The following ZMIZ1 variants were observed in gnomAD, a reference collection of about 807,000 sequenced individuals.
ZMIZ1 encodes the protein zinc finger MIZ-type containing 1, also known as zinc finger MIZ domain-containing protein 1.
A neutral mutation model predicts 113.9 loss-of-function variants in ZMIZ1; 17 were observed. That is an observed-to-expected ratio of 0.15 (90% confidence interval 0.10 to 0.22). The LOEUF (loss-of-function observed/expected upper bound fraction) is 0.22. ZMIZ1 is among the 10% of genes least tolerant of loss of function. The probability of loss-of-function intolerance (pLI) is 1.00; values close to 1 mark genes in which losing one functional copy is unlikely to be tolerated. For missense variants in ZMIZ1, 1,059 were observed against 1,477.8 expected, an observed-to-expected ratio of 0.72 and a Z score of 4.65; for synonymous variants, 607 against 603.1, an observed-to-expected ratio of 1.01 and a Z score of -0.09.
chr10:79,245,748 C>G (rs1010936186), intron 7 of ZMIZ1, among the ~76,000 whole-genome samples: 1 of 152,144 alleles, frequency 6.6e-6, no homozygotes, highest in Non-Finnish European at 1.5e-5. Flanking sequence ...TCTAAGATGA[C>G]GCCATTCAGT....
chr10:79,133,679 C>G (rs531145582), intron 2 of ZMIZ1, among the ~76,000 whole-genome samples: 2 of 152,172 alleles, frequency 1.3e-5, no homozygotes, highest in Non-Finnish European at 2.9e-5. Context: ...CCCCCCTCCC[C>G]CTTATTCCTT....
intron 7 of ZMIZ1, among the ~76,000 whole-genome samples, chr10:79,253,881 C>CA (rs1850709510): frequency 6.6e-6 from 1 of 152,168 alleles, no homozygotes; most frequent in South Asian, 2.1e-4. Flanking sequence ...TACATGCACA[C>CA]ACACACACAC....
intron 6 of ZMIZ1, among the ~76,000 whole-genome samples, chr10:79,208,702 G>T (rs537948508): frequency 1.3e-5 from 2 of 152,206 alleles, no homozygotes; most frequent in Non-Finnish European, 2.9e-5. Context: ...TGAGAAAGAC[G>T]CAGTGTTCAC....
intron 7 of ZMIZ1, among the ~76,000 whole-genome samples, chr10:79,247,093 C>T (rs1259714561): frequency 6.6e-6 from 1 of 152,228 alleles, no homozygotes; most frequent in East Asian, 1.9e-4. Flanking sequence ...GCCTTGCTGC[C>T]GCCTCCAGCT....
chr10:79,157,809 C>T (rs543205333), intron 3 of ZMIZ1, among the ~76,000 whole-genome samples: 127 of 152,264 alleles, frequency 8.3e-4, no homozygotes, highest in Admixed American at 7.8e-3. Context: ...AGCACTGGCC[C>T]GCCAGGGGAG....
intron 7 of ZMIZ1, among the ~76,000 whole-genome samples, chr10:79,219,012 C>T (rs1848854356): frequency 6.7e-6 from 1 of 148,730 alleles, no homozygotes. Flanking sequence ...GATGACAGCT[C>T]GGGCTATAAA....
intron 1 of ZMIZ1, among the ~76,000 whole-genome samples, chr10:79,087,305 C>T (rs1057400591): frequency 6.6e-6 from 1 of 152,206 alleles, no homozygotes; most frequent in Non-Finnish European, 1.5e-5. Context: ...CTCATAAAGC[C>T]ACCTTGGATT....
chr10:79,298,531 C>A lies in ZMIZ1; in HGVS notation c.1617C>A (p.Pro539=). Residue 539 remains proline (P), a synonymous_variant, in exon 15 of 25, where the codon CCC becomes CCA. Coordinates refer to ENST00000334512, the MANE Select transcript of ZMIZ1 (RefSeq NM_020338.4). ...YLSPSQDVKP[P]FPPDIKPNMS... is the part of the protein sequence containing the mutation. The stretch of plus-strand genomic sequence containing the variant: ...CCCCCAGCCAAGACGTCAAACCACC[C>A]TTCCCGCCTGACATCAAGCCAAATA... 1 of 1,602,186 alleles carries A rather than the reference C, an allele frequency of 6.2e-7. No homozygotes were observed. Among genetic ancestry groups the A allele is most frequent in the Non-Finnish European group, 8.5e-7 (1 of 1,174,878 alleles).
chr10:79,152,771 G>A (rs192292559), intron 3 of ZMIZ1, among the ~76,000 whole-genome samples: 2 of 152,360 alleles, frequency 1.3e-5, no homozygotes, highest in East Asian at 3.9e-4. Flanking sequence ...GTGAGATGGG[G>A]CTAACACCAC....
intron 4 of ZMIZ1, among the ~76,000 whole-genome samples, chr10:79,165,350 G>A (rs1846280837): frequency 6.6e-6 from 1 of 152,158 alleles, no homozygotes; most frequent in Non-Finnish European, 1.5e-5. Flanking sequence ...TGGGACCAGG[G>A]TTCCTTGCCC....
At chr10:79,106,477 T>C (rs1196535128) in intron 1 of ZMIZ1, among the ~76,000 whole-genome samples, 3 of 152,230 alleles carry the variant, frequency 2.0e-5, no homozygotes, top group Non-Finnish European at 2.9e-5. Context: ...CCTTTATTTG[T>C]GACTCATATG....
chr10:79,289,179 TG>T (rs1216623065), intron 8 of ZMIZ1, among the ~76,000 whole-genome samples: 1 of 150,478 alleles, frequency 6.6e-6, no homozygotes. Flanking sequence ...GAGATCGGGG[TG>T]GGGGCAGGAG....
intron 8 of ZMIZ1, among the ~76,000 whole-genome samples, chr10:79,279,989 T>C (rs953382719): frequency 4.1e-4 from 56 of 135,958 alleles, no homozygotes; most frequent in Non-Finnish European, 8.1e-4. Context: ...GGTATTATTA[T>C]TACTTTTTTT....
chr10:79,273,978 T>G (rs1378220863), intron 7 of ZMIZ1, among the ~76,000 whole-genome samples: 1 of 152,200 alleles, frequency 6.6e-6, no homozygotes, highest in Non-Finnish European at 1.5e-5. Context: ...CGAGCTGCAT[T>G]TTATGAAGGG....
At chr10:79,188,788 G>T (rs1847467096) in intron 4 of ZMIZ1, among the ~76,000 whole-genome samples, 2 of 152,150 alleles carry the variant, frequency 1.3e-5, no homozygotes, top group African/African-American at 2.4e-5. Context: ...TTTAAAATGT[G>T]TTTAGTGAAA....
intron 7 of ZMIZ1, among the ~76,000 whole-genome samples, chr10:79,260,184 GTTAA>G (rs1290608460): frequency 6.6e-6 from 1 of 152,238 alleles, no homozygotes; most frequent in African/African-American, 2.4e-5. Context: ...TTCCATCAGT[GTTAA>G]TTGTCACCTG....
At position 79,139,784 on chromosome 10, in the gene ZMIZ1, C is replaced by A. The variant is rs890216292; in HGVS notation, c.-131+7C>A. 3 of 398,772 alleles carry A rather than the reference C, an allele frequency of 7.5e-6. No individual in the cohort carries two copies. The Admixed American group carries it at 1.3e-4, about 18-fold the overall frequency. The allele number at this position is 398,772 out of a possible 1,614,324, so 24.7% of individuals were successfully genotyped here. ...AGCTGCCATACCCCGAAAGGTAACA[C>A]CAGCCCCCGATGCCCAGGCCATACC... is the stretch of plus-strand genomic sequence containing the variant. On this transcript the variant is annotated splice_region_variant and intron_variant, in intron 3 of 24. Transcript: ENST00000334512.
intron 7 of ZMIZ1, among the ~76,000 whole-genome samples, chr10:79,274,252 C>T (rs571715272): frequency 6.6e-6 from 1 of 152,238 alleles, no homozygotes; most frequent in African/African-American, 2.4e-5. Context: ...TCCCGTCTCT[C>T]CCACTCACCC....
chr10:79,114,507 G>GTT (rs1843925015), intron 1 of ZMIZ1, among the ~76,000 whole-genome samples: 1 of 59,700 alleles, frequency 1.7e-5, no homozygotes, highest in African/African-American at 9.5e-5. Context: ...GTGTGTGTGC[G>GTT]TGTGTGTGTG....
Sources: gnomAD v4.1 joint callset for allele counts (sites outside exome capture counted in the v4.1 genomes callset) on GRCh38, gnomAD v4.1.1 for gene constraint, MANE v1.5 for transcripts, NCBI Gene and HGNC (gene_info 2026-07-23, HGNC 2026-07-21) for gene names.